Variants in SEC14L1 observed in about 807,000 individuals in gnomAD.
SEC14L1 encodes the protein SEC14-like protein 1.
In SEC14L1, 48 loss-of-function variants were observed where a neutral mutation model predicts 85.3. That is an observed-to-expected ratio of 0.56 (90% CI 0.45 to 0.72). The LOEUF (loss-of-function observed/expected upper bound fraction) is 0.72, where lower values mean the gene tolerates loss of function less well. Among genes scored for constraint, SEC14L1 ranks in the 30% least tolerant of loss-of-function variants. SEC14L1 has a pLI of 0.00. For synonymous variants in SEC14L1, 391 were observed against 355.5 expected, an observed-to-expected ratio of 1.10 and a Z score of -1.12; for missense variants, 682 against 921.4, an observed-to-expected ratio of 0.74 and a Z score of 3.36.
chr17:77,166,161 G>A (rs1254343225), intron 3 of SEC14L1, among the ~76,000 whole-genome samples: 10 of 152,104 alleles, frequency 6.6e-5, no homozygotes, highest in Non-Finnish European at 7.4e-5. Context: ...GGCTGCTGTC[G>A]AACTCCTGGG....
At chr17:77,160,319 C>T (rs1043794284) in intron 3 of SEC14L1, among the ~76,000 whole-genome samples, 1 of 152,258 alleles carries the variant, frequency 6.6e-6, no homozygotes, top group East Asian at 1.9e-4. Flanking sequence ...AAACCGTACT[C>T]TGCCAAGTCC....
chr17:77,135,610 C>T (rs28498857), intron 3 of SEC14L1, among the ~76,000 whole-genome samples: 41 of 152,190 alleles, frequency 2.7e-4, no homozygotes, highest in East Asian at 2.3e-3. Context: ...AATCAGGGCT[C>T]ACTGCACCCT....
chr17:77,216,216 T>C lies in SEC14L1; in HGVS notation c.*2193T>C, dbSNP rs1977072801. The C allele has an allele frequency of 3.9e-6, 4 of 1,015,268 alleles. No individual in the cohort carries two copies. In the Admixed American group the frequency reaches 1.9e-4, roughly 47 times the overall value. 62.9% of individuals were successfully genotyped at this position (1,015,268 alleles called of 1,614,324 possible). ...AGGTAGGGCTAGTAGGTAGGGCTAG[T>C]AGGTAGGGTTCGTAGGTAGGGTTCG... On this transcript the variant is annotated 3_prime_UTR_variant, in exon 17 of 17. Transcript: ENST00000436233.
intron 3 of SEC14L1, among the ~76,000 whole-genome samples, chr17:77,095,722 C>T (rs1047128931): frequency 6.6e-6 from 1 of 152,038 alleles, no homozygotes; most frequent in African/African-American, 2.4e-5. Context: ...GAGGCTGAGG[C>T]ATGAGAATCA....
Position 77,162,022 on chromosome 17 carries a change from C to G in SEC14L1, c.63+18363C>G, listed in dbSNP as rs117189564. Among the ~76,000 whole-genome samples the G allele has an allele frequency of 2.0e-5, 3 of 150,562 alleles. No individual in the cohort carries two copies. In the South Asian group the frequency reaches 6.3e-4, roughly 32 times the overall value. On this transcript the variant is annotated intron_variant, in intron 3 of 16. Coordinates refer to ENST00000436233, the MANE Select transcript of SEC14L1 (RefSeq NM_001143998.2). ...AGGTGCTCTGCTACATACAAATCCCCGACCCAGAATTCTGCAGGTCGTCTA... is the reference window on the plus strand; with the variant it reads ...AGGTGCTCTGCTACATACAAATCCCGGACCCAGAATTCTGCAGGTCGTCTA...
intron 3 of SEC14L1, among the ~76,000 whole-genome samples, chr17:77,178,473 A>G (rs1050191469): frequency 6.6e-6 from 1 of 152,142 alleles, no homozygotes; most frequent in African/African-American, 2.4e-5. Flanking sequence ...AAGGTCCTTT[A>G]GAATTGTGTC....
intron 14 of SEC14L1, chr17:77,210,489 T>G (rs1197493231): frequency 6.5e-6 from 1 of 152,824 alleles, no homozygotes; most frequent in Non-Finnish European, 1.5e-5. Context: ...GGGAGCTGAC[T>G]GCGGCCTGCT....
intron 3 of SEC14L1, among the ~76,000 whole-genome samples, chr17:77,155,493 C>A (rs1396787094): frequency 2.6e-5 from 4 of 152,312 alleles, no homozygotes; most frequent in East Asian, 3.9e-4. Context: ...CTCAGTCTTG[C>A]TGGTGCCCAG....
chr17:77,187,274 G>A (rs1210374867), intron 3 of SEC14L1, among the ~76,000 whole-genome samples: 2 of 152,106 alleles, frequency 1.3e-5, no homozygotes, highest in Admixed American at 1.3e-4. Context: ...GAGTCATCCT[G>A]CAGTACCTTC....
At chr17:77,100,582 G>A (rs1343786973) in intron 3 of SEC14L1, among the ~76,000 whole-genome samples, 27 of 151,266 alleles carry the variant, frequency 1.8e-4, no homozygotes, top group Admixed American at 1.8e-3. Context: ...GACTACAGGC[G>A]CCCACCACCA....
chr17:77,202,005 C>T (rs1036612144), intron 9 of SEC14L1, among the ~76,000 whole-genome samples: 5 of 152,002 alleles, frequency 3.3e-5, no homozygotes, highest in African/African-American at 9.7e-5. Context: ...GGAGCACAAT[C>T]GTCTGTATTC....
At chr17:77,138,869 C>T (rs762224731), upstream of SEC14L1, among the ~76,000 whole-genome samples, 2 of 152,022 alleles carry the variant, frequency 1.3e-5, no homozygotes, top group African/African-American at 2.4e-5. Flanking sequence ...GTTGATGTCT[C>T]AAGTCTGTTT....
At position 77,215,472 on chromosome 17, in the gene SEC14L1, G is replaced by A. The variant is rs763099914; in HGVS notation, c.*1449G>A. The A allele has an allele frequency of 6.1e-6, 6 of 985,774 alleles. No homozygotes were observed. The highest frequency in any genetic ancestry group is 7.2e-6 in the Non-Finnish European group (6 of 830,146). 61.1% of individuals were successfully genotyped at this position (985,774 alleles called of 1,614,324 possible). On this transcript the variant is annotated 3_prime_UTR_variant, in exon 17 of 17. Coordinates refer to ENST00000436233, the MANE Select transcript of SEC14L1 (RefSeq NM_001143998.2). ...GTCTCAGCTCCGCTCTGAAGGCACT[G>A]TGTGGGTGCTGCGTGACTGGAGAGC...
In SEC14L1 at chr17:77,192,600, A is replaced by G. The variant is rs185238141; in HGVS notation, c.346-821A>G. Among the ~76,000 whole-genome samples, 1,041 of 149,360 alleles carry G rather than the reference A, an allele frequency of 7.0e-3. 6 individuals are homozygous for G. Among genetic ancestry groups the G allele is most frequent in the African/African-American group, 0.024 (984 of 40,580 alleles). On this transcript the variant is annotated intron_variant, in intron 5 of 16. Coordinates refer to ENST00000436233, the MANE Select transcript of SEC14L1 (RefSeq NM_001143998.2). ...ACCTCCTCCCATCTCGGCTCAGGTC[A>G]CCCCTTCTTGGCCAGCCCCAGCCAC... is the stretch of plus-strand genomic sequence containing the variant.
intron 3 of SEC14L1, among the ~76,000 whole-genome samples, chr17:77,165,439 C>T (rs947847849): frequency 3.9e-5 from 6 of 151,938 alleles, no homozygotes; most frequent in African/African-American, 9.7e-5. Context: ...CGGGACAACT[C>T]GAAGCAGGGA....
At chr17:77,167,518 T>A (rs1395709524) in intron 3 of SEC14L1, among the ~76,000 whole-genome samples, 1 of 152,202 alleles carries the variant, frequency 6.6e-6, no homozygotes, top group Non-Finnish European at 1.5e-5. Context: ...TTTTCATGTT[T>A]AATGGAGTTT....
intron 3 of SEC14L1, among the ~76,000 whole-genome samples, chr17:77,108,224 G>A (rs1394576308): frequency 6.6e-6 from 1 of 152,110 alleles, no homozygotes; most frequent in East Asian, 1.9e-4. Context: ...GACTCATCTC[G>A]GCACTATCTG....
At chr17:77,102,134 A>G (rs1049759200) in intron 3 of SEC14L1, among the ~76,000 whole-genome samples, 1 of 152,252 alleles carries the variant, frequency 6.6e-6, no homozygotes, top group African/African-American at 2.4e-5. Context: ...ATGATTGAAT[A>G]AGCATTAAAC....
intron 3 of SEC14L1, chr17:77,185,476 G>C: frequency 1.4e-6 from 1 of 711,628 alleles, no homozygotes; most frequent in Non-Finnish European, 1.7e-6. Flanking sequence ...TTCAAGGTGA[G>C]GCTGCGTGGG....
Sources: gnomAD v4.1 joint callset for allele counts (sites outside exome capture counted in the v4.1 genomes callset) on GRCh38, gnomAD v4.1.1 for gene constraint, MANE v1.5 for transcripts, NCBI Gene and HGNC (gene_info 2026-07-23, HGNC 2026-07-21) for gene names.